CIMAP2: variants seen among roughly 807,000 people sequenced by gnomAD.
CIMAP2 encodes ciliary microtubule associated protein 2, also known as ciliary microtubule-associated protein 2.
chr1:54,813,468 A>G, the CIMAP2 span, among the ~76,000 whole-genome samples: 1 of 152,240 alleles, frequency 6.6e-6, no homozygotes, highest in Non-Finnish European at 1.5e-5. Context: ...CTGGTTTTAA[A>G]TATTTAAGAC....
chr1:54,838,132 G>T, the CIMAP2 span, among the ~76,000 whole-genome samples: 1 of 151,930 alleles, frequency 6.6e-6, no homozygotes, highest in African/African-American at 2.4e-5. Context: ...CTTGGAAAGG[G>T]GTAACAACTG....
the CIMAP2 span, among the ~76,000 whole-genome samples, chr1:54,812,649 G>C: frequency 1.3e-5 from 2 of 152,216 alleles, no homozygotes; most frequent in Non-Finnish European, 2.9e-5. Flanking sequence ...GGGAACTTGA[G>C]GTAGAATTTT....
the CIMAP2 span, chr1:54,811,893 T>G: frequency 6.2e-7 from 1 of 1,613,792 alleles, no homozygotes; most frequent in Non-Finnish European, 8.5e-7. Context: ...GGGCCTCATG[T>G]GCAGGATGAG....
the CIMAP2 span, chr1:54,807,838 G>C: frequency 6.5e-7 from 1 of 1,531,600 alleles, no homozygotes; most frequent in African/African-American, 1.4e-5. Context: ...TTCTTCCTGC[G>C]TGGATTTTCC....
chr1:54,813,249 C>T, the CIMAP2 span, among the ~76,000 whole-genome samples: 1 of 152,172 alleles, frequency 6.6e-6, no homozygotes, highest in Admixed American at 6.5e-5. Context: ...GCCTCCCCGA[C>T]CACCAACATC....
chr1:54,832,988 C>A, the CIMAP2 span, among the ~76,000 whole-genome samples: 6 of 152,024 alleles, frequency 3.9e-5, no homozygotes, highest in African/African-American at 1.4e-4. Flanking sequence ...GGTTGTGCCA[C>A]CACACTCCAG....
chr1:54,828,217 G>A, the CIMAP2 span, among the ~76,000 whole-genome samples: 15 of 152,272 alleles, frequency 9.9e-5, no homozygotes, highest in East Asian at 1.9e-4. Flanking sequence ...TTTTAAAACC[G>A]TAGAGCTAGG....
the CIMAP2 span, chr1:54,813,960 G>A: frequency 1.9e-6 from 3 of 1,608,010 alleles, no homozygotes; most frequent in South Asian, 1.1e-5. Flanking sequence ...ACCTCAGCCA[G>A]TGCCCCCGCA....
chr1:54,812,299 T>G, the CIMAP2 span: 3 of 1,433,242 alleles, frequency 2.1e-6, no homozygotes, highest in Non-Finnish European at 2.9e-6. Flanking sequence ...CACCGGGCCT[T>G]TCCCACACCC....
the CIMAP2 span, among the ~76,000 whole-genome samples, chr1:54,839,053 A>C: frequency 1.4e-4 from 21 of 152,288 alleles, no homozygotes; most frequent in African/African-American, 4.8e-4. Flanking sequence ...GTACAATCGC[A>C]AAATAGGATT....
At chr1:54,823,383 A>G in the CIMAP2 span, among the ~76,000 whole-genome samples, 2 of 151,770 alleles carry the variant, frequency 1.3e-5, no homozygotes, top group African/African-American at 4.8e-5. Context: ...GCCTGATATA[A>G]GTATAGCTAC....
chr1:54,808,046 A>G, the CIMAP2 span: 1 of 1,508,228 alleles, frequency 6.6e-7, no homozygotes, highest in South Asian at 1.3e-5. Flanking sequence ...CCAAGCAGAG[A>G]GCCTGGCATA....
chr1:54,814,046 A>G, the CIMAP2 span: 1 of 1,488,710 alleles, frequency 6.7e-7, no homozygotes, highest in South Asian at 1.4e-5. Flanking sequence ...GGCATGGGGT[A>G]GGGTGGCTAA....
At chr1:54,833,231 G>A in the CIMAP2 span, among the ~76,000 whole-genome samples, 1 of 152,190 alleles carries the variant, frequency 6.6e-6, no homozygotes, top group Non-Finnish European at 1.5e-5. Context: ...CATCTCATGT[G>A]TGAATAAATG....
chr1:54,833,971 G>A, the CIMAP2 span, among the ~76,000 whole-genome samples: 2 of 152,074 alleles, frequency 1.3e-5, no homozygotes, highest in Non-Finnish European at 2.9e-5. Flanking sequence ...CAAAGGAGCT[G>A]GGATCACAGG....
the CIMAP2 span, chr1:54,815,044 G>A: frequency 6.2e-7 from 1 of 1,614,134 alleles, no homozygotes. Flanking sequence ...AGCTGGGTAA[G>A]TGGGTCTGGG....
chr1:54,821,343 G>C, the CIMAP2 span, among the ~76,000 whole-genome samples: 1,242 of 152,178 alleles, frequency 8.2e-3, 20 homozygotes, highest in African/African-American at 0.029. Flanking sequence ...TTTTATTCTA[G>C]TAGTTTTACA....
At chr1:54,814,570 G>A in the CIMAP2 span, among the ~76,000 whole-genome samples, 2 of 152,222 alleles carry the variant, frequency 1.3e-5, no homozygotes, top group Non-Finnish European at 2.9e-5. Flanking sequence ...TCCAGCAAGG[G>A]TGAGACGGGG....
chr1:54,807,681 G>A, the CIMAP2 span: 15 of 1,590,500 alleles, frequency 9.4e-6, no homozygotes, highest in Non-Finnish European at 8.6e-7. Flanking sequence ...TGAAAGAGAA[G>A]CGGCTGAAGG....
Sources: allele counts gnomAD v4.1 joint callset (sites outside exome capture counted in the v4.1 genomes callset), GRCh38; gene constraint gnomAD v4.1.1; transcripts MANE v1.5; gene names NCBI Gene and HGNC (gene_info 2026-07-23, HGNC 2026-07-21).